Variants in SNAP91 observed in about 807,000 individuals in gnomAD.
SNAP91 encodes synaptosome associated protein 91, also known as clathrin coat assembly protein AP180.
A neutral mutation model predicts 100.3 loss-of-function variants in SNAP91; 27 were observed. The ratio of observed to expected loss-of-function variants is 0.27; its 90% CI spans 0.20 to 0.37. The LOEUF (loss-of-function observed/expected upper bound fraction) is 0.37. SNAP91 is among the 10% of genes least tolerant of loss of function. SNAP91 has a pLI of 1.00. For synonymous variants in SNAP91, 404 were observed against 398.6 expected (o/e 1.01, Z -0.16); for missense variants, 986 against 1,123.7 (o/e 0.88, Z 1.75).
chr6:83,585,541 A>AAAAAAAAAAAAAAAAAC (rs1554217441), intron 22 of SNAP91, among the ~76,000 whole-genome samples: 1 of 147,878 alleles, frequency 6.8e-6, no homozygotes, highest in African/African-American at 2.5e-5. Flanking sequence ...AAAAAAAAAA[A>AAAAAAAAAAAAAAAAAC]AAAAAGAAAG....
intron 24 of SNAP91, 40 bp from the exon 25 acceptor site, chr6:83,576,093 A>G: frequency 9.4e-7 from 1 of 1,061,310 alleles, no homozygotes; most frequent in Non-Finnish European, 1.4e-6. Flanking sequence ...AAATCTCTAC[A>G]CTCAGTTTAT....
At chr6:83,642,745 G>GAA (rs2097762672) in intron 7 of SNAP91, among the ~76,000 whole-genome samples, 2 of 152,146 alleles carry the variant, frequency 1.3e-5, no homozygotes, top group African/African-American at 2.4e-5. Flanking sequence ...TCTAGTTCTA[G>GAA]ATCCCTGAGG....
At chr6:83,644,746 G>T (rs1230995735) in intron 7 of SNAP91, among the ~76,000 whole-genome samples, 4 of 152,108 alleles carry the variant, frequency 2.6e-5, no homozygotes, top group Non-Finnish European at 4.4e-5. Flanking sequence ...TTTCATTATA[G>T]CAATAAAGCA....
intron 16 of SNAP91, 48 bp downstream of exon 16, chr6:83,601,223 A>C: frequency 6.3e-7 from 1 of 1,597,132 alleles, no homozygotes; most frequent in Non-Finnish European, 8.6e-7. Context: ...ACTCCCAAGT[A>C]ATTTTAGCAA....
At chr6:83,556,394 AGAAAAGC>A (rs1778902260) in intron 28 of SNAP91, 149 bp from the exon 29 acceptor site, 1 of 435,224 alleles carries the variant, frequency 2.3e-6, no homozygotes, top group Non-Finnish European at 4.0e-6. Context: ...AGAGAGAGAG[AGAAAAGC>A]ATTAGGCAGA....
intron 2 of SNAP91, among the ~76,000 whole-genome samples, chr6:83,685,276 T>A (rs1405351917): frequency 6.6e-6 from 1 of 152,090 alleles, no homozygotes; most frequent in Non-Finnish European, 1.5e-5. Flanking sequence ...AGTTCAGGGG[T>A]CCAGGCCTCC....
intron 7 of SNAP91, among the ~76,000 whole-genome samples, chr6:83,656,260 C>T (rs1420600983): frequency 6.6e-6 from 1 of 152,142 alleles, no homozygotes; most frequent in African/African-American, 2.4e-5. Flanking sequence ...AACCAAAGGG[C>T]ATATCCCACA....
At chr6:83,574,629 T>C (rs1814965812) in intron 26 of SNAP91, among the ~76,000 whole-genome samples, 1 of 152,138 alleles carries the variant, frequency 6.6e-6, no homozygotes, top group South Asian at 2.1e-4. Context: ...TAAGTGCTTT[T>C]GATAAATCAT....
intron 14 of SNAP91, among the ~76,000 whole-genome samples, chr6:83,604,677 C>T (rs116404468): frequency 0.011 from 1,731 of 152,266 alleles, 23 homozygotes; most frequent in African/African-American, 0.037. Flanking sequence ...TATGTTGTTA[C>T]AGATCTTGTC....
intron 2 of SNAP91, among the ~76,000 whole-genome samples, chr6:83,680,883 T>A (rs781080026): frequency 6.6e-5 from 10 of 152,126 alleles, no homozygotes; most frequent in Non-Finnish European, 1.5e-4. Flanking sequence ...ATCTCAGGGA[T>A]TGAAGTTGGG....
intron 26 of SNAP91, among the ~76,000 whole-genome samples, chr6:83,566,926 T>C (rs1797450312): frequency 6.6e-6 from 1 of 152,222 alleles, no homozygotes; most frequent in Non-Finnish European, 1.5e-5. Context: ...TGGAGCTCTC[T>C]GAACCTCTTC....
chr6:83,569,288 T>G (rs2128000198), intron 26 of SNAP91, among the ~76,000 whole-genome samples: 1 of 152,292 alleles, frequency 6.6e-6, no homozygotes, highest in African/African-American at 2.4e-5. Flanking sequence ...ATGCTAAAAC[T>G]TTCCATATTT....
chr6:83,631,929 AT>A (rs556554092), intron 8 of SNAP91, among the ~76,000 whole-genome samples: 416 of 151,772 alleles, frequency 2.7e-3, no homozygotes, highest in Non-Finnish European at 4.9e-3. Flanking sequence ...AAAATTATAT[AT>A]TTTTTATAGG....
intron 29 of SNAP91, 90 bp downstream of exon 29, chr6:83,556,053 A>G (rs1211613343): frequency 3.0e-6 from 2 of 664,982 alleles, no homozygotes; most frequent in Non-Finnish European, 5.2e-6. Context: ...ACAGCTATTC[A>G]AAACGCAGAA....
At chr6:83,650,059 ACTTT>A (rs1326111327) in intron 7 of SNAP91, among the ~76,000 whole-genome samples, 2 of 151,970 alleles carry the variant, frequency 1.3e-5, no homozygotes, top group Non-Finnish European at 2.9e-5. Flanking sequence ...TACGAGTTCT[ACTTT>A]CTTTTCCAGA....
intron 2 of SNAP91, among the ~76,000 whole-genome samples, chr6:83,676,845 T>A (rs552057971): frequency 1.3e-5 from 2 of 152,234 alleles, no homozygotes; most frequent in African/African-American, 4.8e-5. Context: ...TGAGTGGTGT[T>A]AATGAGCTTA....
intron 22 of SNAP91, among the ~76,000 whole-genome samples, chr6:83,587,055 A>G (rs2092783277): frequency 6.6e-6 from 1 of 152,138 alleles, no homozygotes; most frequent in Non-Finnish European, 1.5e-5. Flanking sequence ...AGTTTTTATG[A>G]TAGATAGGTT....
intron 2 of SNAP91, among the ~76,000 whole-genome samples, chr6:83,690,021 G>C (rs1416092098): frequency 6.6e-6 from 1 of 150,766 alleles, no homozygotes; most frequent in Non-Finnish European, 1.5e-5. Flanking sequence ...TACTAATCTT[G>C]ATTTTTTCCT....
chr6:83,702,598 A>T (rs997269177), intron 2 of SNAP91, among the ~76,000 whole-genome samples: 6 of 152,214 alleles, frequency 3.9e-5, no homozygotes, highest in African/African-American at 1.4e-4. Context: ...ATAATGTTTA[A>T]TATTTTTCCA....
Sources: allele counts gnomAD v4.1 joint callset (sites outside exome capture counted in the v4.1 genomes callset), GRCh38; gene constraint gnomAD v4.1.1; transcripts MANE v1.5; gene names NCBI Gene and HGNC (gene_info 2026-07-23, HGNC 2026-07-21).